ATXN2L: variants seen among roughly 807,000 people sequenced by gnomAD.
ATXN2L encodes ataxin 2 like.
In ATXN2L, 24 loss-of-function variants were observed where a neutral mutation model predicts 120.7. The observed-to-expected ratio is 0.20, with a 90% CI of 0.14 to 0.28. The LOEUF (loss-of-function observed/expected upper bound fraction) is 0.28. ATXN2L is among the 10% of genes least tolerant of loss of function. The pLI is 1.00. For missense variants in ATXN2L, 1,312 were observed against 1,432.3 expected (o/e 0.92, Z 1.36); for synonymous variants, 653 against 568.1 (o/e 1.15, Z -2.13).
intron 4 of ATXN2L, 177 bp from the exon 5 acceptor site, chr16:28,826,063 T>C: frequency 1.2e-6 from 1 of 840,636 alleles, no homozygotes; most frequent in Admixed American, 2.8e-5. Context: ...TGCTAAGTCC[T>C]GTGGCTGATG....
intron 16 of ATXN2L, 66 bp downstream of exon 16, chr16:28,834,277 C>G: frequency 6.2e-7 from 1 of 1,609,842 alleles, no homozygotes; most frequent in Non-Finnish European, 8.5e-7. Context: ...GGTTGAGGGA[C>G]CAGGTCAGGC....
chr16:28,828,036 ATTG>A (rs1234102465), intron 6 of ATXN2L, among the ~76,000 whole-genome samples: 1 of 152,166 alleles, frequency 6.6e-6, no homozygotes, highest in Admixed American at 6.5e-5. Flanking sequence ...CTTTGCTTCT[ATTG>A]TTGTGTGCTG....
In ATXN2L at chr16:28,834,193, C is replaced by G; in HGVS notation, c.2154C>G (p.His718Gln). ...PQYISYIPQI[H>Q]MGPAVQAPQM... ...ACATCTCCTACATACCTCAGATCCA[C>G]ATGGGACCAGCTGTGCAGGTATGCA... Residue 718 changes from histidine to glutamine, a missense_variant, in exon 16 of 22, where the codon CAC becomes CAG. Physicochemically the swap from His to Gln is conservative, Grantham distance 24. Coordinates refer to ENST00000336783, the MANE Select transcript of ATXN2L (RefSeq NM_007245.4). The G allele has an allele frequency of 3.1e-6, 5 of 1,614,052 alleles. No individual in the cohort carries two copies.
rs754404115 is a variant in ATXN2L at position 28,825,844 on chromosome 16, C to G, written c.465+3C>G. ...TCTTCAAGACGCTAAGCTCAAAGGT[C>G]AGTGTACTCAAATTTAATTATTTTT... On this transcript the variant is annotated splice_donor_region_variant and intron_variant, in intron 4 of 21. Transcript: ENST00000336783. The G allele has an allele frequency of 6.2e-7, 1 of 1,610,792 alleles. No individual in the cohort carries two copies. Among genetic ancestry groups the G allele is most frequent in the African/African-American group, 1.3e-5 (1 of 74,824 alleles).
At chr16:28,834,926 G>A (rs1959640702) in intron 18 of ATXN2L, 132 bp from the exon 19 acceptor site, 2 of 1,289,072 alleles carry the variant, frequency 1.6e-6, no homozygotes, top group Admixed American at 2.5e-5. Flanking sequence ...CTGCTGGGTG[G>A]GATCGTTATG....
chr16:28,832,846 T>C lies in ATXN2L; in HGVS notation c.1618T>C (p.Phe540Leu), dbSNP rs753252251. Reference protein sequence around the residue: ...VPGLQNEQKRFQLEELRKFGA... With the variant: ...VPGLQNEQKRLQLEELRKFGA... Reference sequence around the variant, plus strand: ...TGGTCTTCAGAATGAACAGAAACGATTCCAACTGGAAGAACTGAGAAAGTT... The same window carrying C: ...TGGTCTTCAGAATGAACAGAAACGACTCCAACTGGAAGAACTGAGAAAGTT... The change falls in exon 13 of 22, where the codon TTC becomes CTC. Residue 540 changes from phenylalanine (F) to leucine (L), a missense_variant. Phe to Leu is a conservative substitution (Grantham distance 22, BLOSUM62 0). Transcript: ENST00000336783. The C allele has an allele frequency of 6.2e-7, 1 of 1,614,204 alleles. No homozygotes were observed. The highest frequency in any genetic ancestry group is 1.7e-5 in the Admixed American group (1 of 60,024).
At chr16:28,827,106 CAAAT>C in intron 6 of ATXN2L, 120 bp downstream of exon 6, 1 of 1,077,146 alleles carries the variant, frequency 9.3e-7, no homozygotes, top group Non-Finnish European at 1.2e-6. Context: ...AGTCAGATAA[CAAAT>C]AGAAAGGTAT....
chr16:28,832,173 T>G (rs779827601), intron 10 of ATXN2L, 32 bp from the exon 11 acceptor site: 1 of 1,612,760 alleles, frequency 6.2e-7, no homozygotes, highest in Non-Finnish European at 8.5e-7. Context: ...TGACCAGCAG[T>G]AACCATCCTA....
intron 10 of ATXN2L, 133 bp from the exon 11 acceptor site, chr16:28,832,072 T>G (rs2152068271): frequency 5.1e-4 from 479 of 931,592 alleles, no homozygotes; most frequent in Non-Finnish European, 6.3e-4. Context: ...TTACCTGCCT[T>G]GAGCTTCTAG....
intron 1 of ATXN2L, 103 bp from the exon 2 acceptor site, chr16:28,825,263 T>A: frequency 9.2e-7 from 1 of 1,088,428 alleles, no homozygotes; most frequent in Non-Finnish European, 1.4e-6. Flanking sequence ...GTAGTCTAAA[T>A]CAGCATCATC....
In ATXN2L at chr16:28,826,280, A is replaced by G. The variant is rs2051947873; in HGVS notation, c.506A>G (p.Glu169Gly). 1.9e-6 allele frequency: 3 copies of G among 1,614,116 alleles called. No homozygotes were observed. The highest frequency in any genetic ancestry group is 1.3e-5 in the African/African-American group (1 of 74,944). The change falls in exon 5 of 22, where the codon GAG becomes GGG. Residue 169 changes from glutamate to glycine, a missense_variant. Coordinates refer to ENST00000336783, the MANE Select transcript of ATXN2L (RefSeq NM_007245.4). The part of the protein sequence containing the change: ...AVDAVHRKAS[E>G]PAGGPRREDI... ...GATGCTGTGCACCGGAAAGCATCTG[A>G]GCCAGCAGGTGGCCCTCGTCGGGAG...
intron 15 of ATXN2L, 198 bp from the exon 16 acceptor site, chr16:28,833,867 C>T (rs1008219600): frequency 6.9e-6 from 5 of 721,168 alleles, no homozygotes; most frequent in East Asian, 2.7e-5. Flanking sequence ...TGATCTTGGA[C>T]GTCACTTACA....
At position 28,823,542 on chromosome 16, in the gene ATXN2L, G is replaced by A; in HGVS notation, c.283G>A (p.Ala95Thr). 2 of 1,360,184 alleles carry A rather than the reference G, an allele frequency of 1.5e-6. No homozygotes were observed. The highest frequency in any genetic ancestry group is 1.7e-5 in the South Asian group (1 of 58,308). 84.3% of individuals were successfully genotyped at this position (1,360,184 alleles called of 1,614,324 possible). ...QQHQERPGAA[A>T]IGSARGQSTG... ...ACACCAGGAGAGGCCGGGGGCAGCC[G>A]CCATCGGCAGCGCCAGGTGAGAAGG... is the stretch of plus-strand genomic sequence containing the variant. Residue 95 changes from alanine to threonine, a missense_variant, in exon 1 of 22, where the codon GCC becomes ACC. Transcript: ENST00000336783.
Position 28,835,174 on chromosome 16 carries a change from C to A in ATXN2L, c.2550C>A (p.Pro850=). 5.0e-6 allele frequency: 8 copies of A among 1,612,210 alleles called. No individual in the cohort carries two copies. The highest frequency in any genetic ancestry group is 6.8e-6 in the Non-Finnish European group (8 of 1,178,988). ...ACCCTTCTGCAGAGCAGCCTACCCC[C>A]CAAGCCCTTTATGGTGAGTCCTGCG... The part of the protein sequence containing the change: ...PQYPSAEQPT[P]QALYATVHQS... The change falls in exon 19 of 22, where the codon CCC becomes CCA. Residue 850 remains proline, a synonymous_variant. Transcript: ENST00000336783.
rs763043965 is a variant in ATXN2L at position 28,837,019 on chromosome 16, C to T, written c.*754C>T. On this transcript the variant is annotated 3_prime_UTR_variant, in exon 22 of 22. Coordinates refer to ENST00000336783, the MANE Select transcript of ATXN2L (RefSeq NM_007245.4). ...CCCCACCCAGTCTTGCCCTCCCATC[C>T]TCTCATCTATTCCCCCGCTGGAGAC... is the stretch of plus-strand genomic sequence containing the variant. 14 of 671,262 alleles carry T rather than the reference C, an allele frequency of 2.1e-5. No homozygotes were observed. The Middle Eastern group carries it at 2.0e-3, about 96-fold the overall frequency. The allele number at this position is 671,262 out of a possible 1,614,324, so 41.6% of individuals were successfully genotyped here.
chr16:28,827,080 G>A (rs1596877741), intron 6 of ATXN2L, 94 bp downstream of exon 6: 1 of 1,229,144 alleles, frequency 8.1e-7, no homozygotes, highest in East Asian at 2.8e-5. Context: ...AATATTTACT[G>A]TTGCCCATTG....
chr16:28,828,466 A>G (rs1427852303), intron 6 of ATXN2L, among the ~76,000 whole-genome samples: 5 of 151,882 alleles, frequency 3.3e-5, no homozygotes, highest in African/African-American at 9.7e-5. Flanking sequence ...CATGCCCGTA[A>G]TCCCAGCTAC....
At position 28,825,607 on chromosome 16, in the gene ATXN2L, CTTATG is replaced by C. The variant is rs772592334; in HGVS notation, c.337-13_337-9del. 2 of 1,612,376 alleles carry C rather than the reference CTTATG, an allele frequency of 1.2e-6. No individual in the cohort carries two copies. Among genetic ancestry groups the C allele is most frequent in the Non-Finnish European group, 8.5e-7 (1 of 1,178,374 alleles). On this transcript the variant is annotated splice_polypyrimidine_tract_variant and intron_variant, in intron 2 of 21. Coordinates refer to ENST00000336783, the MANE Select transcript of ATXN2L (RefSeq NM_007245.4). Reference sequence around the variant, plus strand: ...ACTGATTACTCCTTTAATTCTCCCTCTTATGTTAACTGACAGGTGTTTGAAGGCGT... The same window carrying C: ...ACTGATTACTCCTTTAATTCTCCCTCTTAACTGACAGGTGTTTGAAGGCGT...
rs1296934706 is a variant in ATXN2L at position 28,836,187 on chromosome 16, A to G, written c.3150A>G (p.Ser1050=). The change falls in exon 22 of 22, where the codon TCA becomes TCG. Residue 1050 remains serine (S), a synonymous_variant. Coordinates refer to ENST00000336783, the MANE Select transcript of ATXN2L (RefSeq NM_007245.4). ...GGADDRIREF[S]LAGGIWHGRA... ...CCGATGACAGGATTCGTGAGTTCTC[A>G]TTAGCTGGGGGAATTTGGCATGGAA... The G allele has an allele frequency of 6.2e-7, 1 of 1,614,052 alleles. No homozygotes were observed. The highest frequency in any genetic ancestry group is 8.5e-7 in the Non-Finnish European group (1 of 1,179,974).
Sources: allele counts gnomAD v4.1 joint callset (sites outside exome capture counted in the v4.1 genomes callset), GRCh38; gene constraint gnomAD v4.1.1; transcripts MANE v1.5; gene names NCBI Gene and HGNC (gene_info 2026-07-23, HGNC 2026-07-21).